Variants in OR3A2 observed in about 807,000 individuals in gnomAD.
OR3A2 encodes olfactory receptor family 3 subfamily A member 2.
For synonymous variants in OR3A2, 126 were observed against 159.3 expected (o/e 0.79, Z 1.57); for missense variants, 318 against 392.8 (o/e 0.81, Z 1.61).
intron 3 of OR3A2, chr17:3,292,222 T>C: frequency 6.2e-7 from 1 of 1,614,066 alleles, no homozygotes; most frequent in Non-Finnish European, 8.5e-7. Context: ...TCATAGGCCA[T>C]GGCGGTCAGC....
At chr17:3,287,594 A>C (rs1362511487), upstream of OR3A2, among the ~76,000 whole-genome samples, 1 of 152,168 alleles carries the variant, frequency 6.6e-6, no homozygotes, top group Non-Finnish European at 1.5e-5. Flanking sequence ...TCTCTGGAGA[A>C]TGTGTTGCAT....
At chr17:3,303,285 G>A (rs2048978530) in intron 3 of OR3A2, among the ~76,000 whole-genome samples, 1 of 152,050 alleles carries the variant, frequency 6.6e-6, no homozygotes, top group Non-Finnish European at 1.5e-5. Flanking sequence ...TAAATAAGTT[G>A]AAAGAACTTT....
chr17:3,341,475 T>G (rs1249532279), intron 2 of OR3A2, among the ~76,000 whole-genome samples: 1 of 152,210 alleles, frequency 6.6e-6, no homozygotes, highest in Non-Finnish European at 1.5e-5. Context: ...ACAAAATCTC[T>G]CAGCATTTGC....
Position 3,291,921 on chromosome 17 carries a change from T to C in OR3A2, c.-84-12768A>G, listed in dbSNP as rs144521583. ...CAGGACTGCAGCTGCCACGTGGATA[T>C]AGGAGATGACAATGAGAGCCATGGG... On this transcript the variant is annotated intron_variant, in intron 3 of 4. Transcript: ENST00000573491. The C allele has an allele frequency of 2.4e-5, 38 of 1,614,150 alleles. No homozygotes were observed. In the African/African-American group the frequency reaches 2.8e-4, roughly 12 times the overall value.
upstream of OR3A2, among the ~76,000 whole-genome samples, chr17:3,287,266 C>T (rs149354712): frequency 4.7e-3 from 646 of 137,978 alleles, 5 homozygotes; most frequent in African/African-American, 0.016. Flanking sequence ...GATACATCCA[C>T]AGAGTGCAGA....
chr17:3,302,881 G>A (rs231691), intron 3 of OR3A2, among the ~76,000 whole-genome samples: 71,213 of 152,022 alleles, frequency 0.47, 18,104 homozygotes, highest in East Asian at 0.95. Flanking sequence ...GGCTAAAAGC[G>A]GCTGCCACCC....
chr17:3,357,708 T>C lies in OR3A2; in HGVS notation c.-178-21582A>G, dbSNP rs533219638. 2.0e-5 allele frequency among the ~76,000 whole-genome samples: 3 copies of C among 151,220 alleles called. No homozygotes were observed. The South Asian group carries it at 6.2e-4, about 31-fold the overall frequency. On this transcript the variant is annotated intron_variant, in intron 2 of 4. Transcript: ENST00000573491. ...GTACACTTAAAAATGGTTAAAATGG[T>C]GTATATAATTTTTAATTTTTTTTAT...
intron 3 of OR3A2, among the ~76,000 whole-genome samples, chr17:3,302,512 A>T (rs890821998): frequency 5.3e-5 from 8 of 152,218 alleles, no homozygotes; most frequent in African/African-American, 1.7e-4. Flanking sequence ...TGCTGGGAAA[A>T]CTGGCTAGCC....
intron 2 of OR3A2, among the ~76,000 whole-genome samples, chr17:3,367,662 G>T (rs929971800): frequency 6.8e-6 from 1 of 148,060 alleles, no homozygotes; most frequent in Non-Finnish European, 1.5e-5. Context: ...TGGGCACTTA[G>T]ATTGGTTCCA....
chr17:3,344,756 C>G (rs1597351043), intron 2 of OR3A2, among the ~76,000 whole-genome samples: 1 of 152,112 alleles, frequency 6.6e-6, no homozygotes, highest in African/African-American at 2.4e-5. Context: ...TCTGGTCAAG[C>G]AGTATACCAA....
chr17:3,372,417 G>A (rs1366043555), intron 2 of OR3A2, among the ~76,000 whole-genome samples: 3,971 of 151,868 alleles, frequency 0.026, 64 homozygotes, highest in Non-Finnish European at 0.038. Context: ...CTTCCCAGAC[G>A]GGGTGGCGGC....
At chr17:3,343,814 C>T (rs1052212766) in intron 2 of OR3A2, among the ~76,000 whole-genome samples, 16 of 152,128 alleles carry the variant, frequency 1.1e-4, no homozygotes, top group Admixed American at 4.6e-4. Context: ...CCCTCCCTGA[C>T]GTAGCCCACA....
At chr17:3,361,475 G>A (rs1316587546) in intron 2 of OR3A2, among the ~76,000 whole-genome samples, 4 of 151,634 alleles carry the variant, frequency 2.6e-5, no homozygotes, top group Admixed American at 1.3e-4. Flanking sequence ...GTGAGAGAGG[G>A]CATCCCTGTC....
rs2049515462 is a variant in OR3A2 at position 3,361,473 on chromosome 17, G to A, written c.-179+22331C>T. Among the ~76,000 whole-genome samples the A allele has an allele frequency of 4.0e-5, 6 of 151,764 alleles. No homozygotes were observed. In the South Asian group the frequency reaches 1.2e-3, roughly 31 times the overall value. The stretch of plus-strand genomic sequence containing the variant: ...TATGTTGAATAGGAGTGGTGAGAGA[G>A]GGCATCCCTGTCTTGTGCCAGTTTT... On this transcript the variant is annotated intron_variant, in intron 2 of 4. Coordinates refer to the OR3A2 transcript ENST00000573491.
At chr17:3,320,339 T>G (rs901321328) in intron 3 of OR3A2, among the ~76,000 whole-genome samples, 4 of 150,134 alleles carry the variant, frequency 2.7e-5, no homozygotes, top group Non-Finnish European at 4.4e-5. Context: ...GCCTGTTCAC[T>G]CTGATGGTAG....
chr17:3,286,446 G>A (rs1311443028), upstream of OR3A2, among the ~76,000 whole-genome samples: 1 of 152,150 alleles, frequency 6.6e-6, no homozygotes, highest in Non-Finnish European at 1.5e-5. Flanking sequence ...GGGGATTGGT[G>A]GGTCAAATGG....
chr17:3,365,213 G>C (rs2049552508), intron 2 of OR3A2, among the ~76,000 whole-genome samples: 1 of 152,312 alleles, frequency 6.6e-6, no homozygotes, highest in South Asian at 2.1e-4. Context: ...TGTATCTTAG[G>C]TATGTGGGGG....
chr17:3,353,509 A>G (rs2049437933), intron 2 of OR3A2, among the ~76,000 whole-genome samples: 1 of 151,840 alleles, frequency 6.6e-6, no homozygotes, highest in Non-Finnish European at 1.5e-5. Flanking sequence ...TCTGTCATAT[A>G]CATGGCTTTC....
chr17:3,347,442 T>C (rs570726387), intron 2 of OR3A2, among the ~76,000 whole-genome samples: 25 of 152,282 alleles, frequency 1.6e-4, no homozygotes, highest in African/African-American at 5.5e-4. Flanking sequence ...CCCCTTCCTG[T>C]GTCCATGTGT....
Sources: allele counts gnomAD v4.1 joint callset (sites outside exome capture counted in the v4.1 genomes callset), GRCh38; gene constraint gnomAD v4.1.1; transcripts MANE v1.5; gene names NCBI Gene and HGNC (gene_info 2026-07-23, HGNC 2026-07-21).